The following WDR70 variants were observed in gnomAD, a reference collection of about 807,000 sequenced individuals.
WDR70 encodes WD repeat domain 70.
Under a neutral mutation model 88.6 loss-of-function variants are expected in WDR70, and 53 were observed. That is an observed-to-expected ratio of 0.60 (90% CI 0.48 to 0.75). The LOEUF (loss-of-function observed/expected upper bound fraction) is 0.75. WDR70 is among the 30% of genes least tolerant of loss of function. The probability of loss-of-function intolerance (pLI) is 0.00; values close to 1 mark genes in which losing one functional copy is unlikely to be tolerated. For missense variants in WDR70, 610 were observed against 823.2 expected (o/e 0.74, Z 3.17); for synonymous variants, 280 against 270.0 (o/e 1.04, Z -0.36).
intron 10 of WDR70, among the ~76,000 whole-genome samples, chr5:37,622,301 A>C (rs891304759): frequency 5.3e-5 from 8 of 151,950 alleles, no homozygotes; most frequent in African/African-American, 1.9e-4. Context: ...GTGGGACTGT[A>C]AACTAGTTCA....
chr5:37,548,366 T>A lies in WDR70; in HGVS notation c.917+31776T>A, dbSNP rs937733388. 2.6e-5 allele frequency among the ~76,000 whole-genome samples: 4 copies of A among 152,198 alleles called. No individual in the cohort carries two copies. The South Asian group carries it at 6.2e-4, about 24-fold the overall frequency. On this transcript the variant is annotated intron_variant, in intron 9 of 17. Coordinates refer to ENST00000265107, the MANE Select transcript of WDR70 (RefSeq NM_018034.4). ...GGGGTGAGATGATATCTCTTGTTTT[T>A]ATTTTCATTTGTCTGGTGATCAGTG...
rs6878467 is a variant in WDR70 at position 37,409,394 on chromosome 5, T to G, written c.492+12824T>G. On this transcript the variant is annotated intron_variant, in intron 5 of 17. Coordinates refer to ENST00000265107, the MANE Select transcript of WDR70 (RefSeq NM_018034.4). Reference sequence around the variant, plus strand: ...GATTTTTGTCAAGCTTGACTGTGTATCTGTCAGGTTTGTTTATACCGAGGA... The same window carrying G: ...GATTTTTGTCAAGCTTGACTGTGTAGCTGTCAGGTTTGTTTATACCGAGGA... 7.4e-3 allele frequency among the ~76,000 whole-genome samples: 1,121 copies of G among 152,302 alleles called. 17 individuals carry two copies. Among genetic ancestry groups the G allele is most frequent in the African/African-American group, 0.025 (1,055 of 41,564 alleles).
chr5:37,592,645 A>G lies in WDR70; in HGVS notation c.918-12419A>G, dbSNP rs568418861. On this transcript the variant is annotated intron_variant, in intron 9 of 17. Transcript: ENST00000265107. The stretch of plus-strand genomic sequence containing the variant: ...AATTATGGAGCACTTTGGATTTTGG[A>G]TATTTGGATTAGGGATGTTCAATCT... Among the ~76,000 whole-genome samples, 62 of 152,284 alleles carry G rather than the reference A, an allele frequency of 4.1e-4. 1 individual carries two copies. The highest frequency in any genetic ancestry group is 1.5e-3 in the African/African-American group (62 of 41,574).
chr5:37,592,594 G>A (rs1743564472), intron 9 of WDR70, among the ~76,000 whole-genome samples: 3 of 152,144 alleles, frequency 2.0e-5, no homozygotes. Context: ...TTTTGATTGC[G>A]ACCCATCACA....
intron 16 of WDR70, among the ~76,000 whole-genome samples, chr5:37,725,538 G>T (rs1371193786): frequency 2.0e-5 from 3 of 152,050 alleles, no homozygotes; most frequent in African/African-American, 7.2e-5. Context: ...GGTACCAGAA[G>T]AAAGCCAAGC....
At chr5:37,570,838 TTCCTTCCAGATGTTTCTCAAATAG>T (rs1742879716) in intron 9 of WDR70, among the ~76,000 whole-genome samples, 1 of 152,186 alleles carries the variant, frequency 6.6e-6, no homozygotes, top group Non-Finnish European at 1.5e-5. Flanking sequence ...ACACCCAGTC[TTCCTTCCAGATGTTTCTCAAATAG>T]TCCCTCCTCT....
rs1384336784 is a variant in WDR70, at chr5:37,649,733, C to CTTCTTT, written c.1092+44497_1092+44498insCTTTTT. ...ATATACATTCACGATGTTATTACTT[C>CTTCTTT]TTTTTTTTTTTTTTTTTTTTTTGAG... is the stretch of plus-strand genomic sequence containing the variant. On this transcript the variant is annotated intron_variant, in intron 10 of 17. Coordinates refer to ENST00000265107, the MANE Select transcript of WDR70 (RefSeq NM_018034.4). 6.1e-4 allele frequency among the ~76,000 whole-genome samples: 42 copies of CTTCTTT among 68,746 alleles called. 1 individual carries two copies. Among genetic ancestry groups the CTTCTTT allele is most frequent in the Admixed American group, 6.8e-4 (3 of 4,438 alleles). 45.1% of individuals were successfully genotyped at this position (68,746 alleles called of 152,430 possible).
intron 10 of WDR70, among the ~76,000 whole-genome samples, chr5:37,654,932 A>G (rs1442164359): frequency 1.3e-5 from 2 of 152,142 alleles, no homozygotes; most frequent in African/African-American, 4.8e-5. Flanking sequence ...TAATTGGGGC[A>G]TTAGCCTGTT....
chr5:37,549,857 A>AT (rs1005327371), intron 9 of WDR70, among the ~76,000 whole-genome samples: 6 of 146,910 alleles, frequency 4.1e-5, no homozygotes, highest in African/African-American at 1.2e-4. Context: ...GGGATGTTGA[A>AT]TTTTTTTTTG....
At chr5:37,624,806 AG>A (rs1223894144) in intron 10 of WDR70, among the ~76,000 whole-genome samples, 1 of 152,166 alleles carries the variant, frequency 6.6e-6, no homozygotes, top group African/African-American at 2.4e-5. Context: ...GGGGAAACTC[AG>A]GAGGGTCATC....
intron 10 of WDR70, among the ~76,000 whole-genome samples, chr5:37,660,266 G>T (rs578205844): frequency 1.3e-5 from 2 of 152,168 alleles, no homozygotes; most frequent in East Asian, 3.9e-4. Flanking sequence ...TTTATACTTA[G>T]CAAGAATATG....
intron 9 of WDR70, among the ~76,000 whole-genome samples, chr5:37,562,548 A>G (rs1036253142): frequency 2.6e-5 from 4 of 152,108 alleles, no homozygotes; most frequent in African/African-American, 9.7e-5. Flanking sequence ...AGATAAGTGA[A>G]CAAAGGTCTC....
chr5:37,496,777 G>A (rs1254161356), intron 8 of WDR70, among the ~76,000 whole-genome samples: 1 of 152,210 alleles, frequency 6.6e-6, no homozygotes, highest in Non-Finnish European at 1.5e-5. Context: ...GAATTGAGTA[G>A]CAGCCATCTG....
chr5:37,463,922 GACAA>G (rs1302494856), intron 7 of WDR70, among the ~76,000 whole-genome samples: 1 of 152,168 alleles, frequency 6.6e-6, no homozygotes, highest in Non-Finnish European at 1.5e-5. Context: ...GAGAGTACAT[GACAA>G]ACAGTGAGAC....
chr5:37,680,901 G>A (rs899561913), intron 10 of WDR70, among the ~76,000 whole-genome samples: 3 of 152,110 alleles, frequency 2.0e-5, no homozygotes, highest in Admixed American at 2.0e-4. Flanking sequence ...GGTTCCATAT[G>A]AGTAGTTTTA....
In WDR70 at chr5:37,701,121, G is replaced by A; in HGVS notation, c.1256G>A (p.Gly419Asp). ...QFNKPLFSAS[G>D]LPTMFPMTDC... is the part of the protein sequence containing the mutation. ...AATAAACCACTTTTTTCAGCCTCGG[G>A]TCTTCCCACCATGTTCCCAATGTAA... is the stretch of plus-strand genomic sequence containing the variant. Residue 419 changes from glycine (G) to aspartate (D), a missense_variant, in exon 12 of 18, where the codon GGT (glycine) becomes GAT (aspartate). Around this residue, in one of 4 missense-constraint regions of WDR70, gnomAD observed 254 missense variants for 300.7 expected, o/e 0.84. Coordinates refer to ENST00000265107, the MANE Select transcript of WDR70 (RefSeq NM_018034.4). The A allele has an allele frequency of 6.2e-7, 1 of 1,609,234 alleles. No individual in the cohort carries two copies. The highest frequency in any genetic ancestry group is 8.5e-7 in the Non-Finnish European group (1 of 1,176,028).
intron 7 of WDR70, among the ~76,000 whole-genome samples, chr5:37,452,438 G>A (rs565605681): frequency 2.0e-5 from 3 of 152,012 alleles, no homozygotes; most frequent in African/African-American, 7.2e-5. Context: ...GCTAATTTTT[G>A]TATTTTTAGT....
At chr5:37,717,854 A>G (rs776721099) in intron 13 of WDR70, among the ~76,000 whole-genome samples, 2 of 152,218 alleles carry the variant, frequency 1.3e-5, no homozygotes, top group Non-Finnish European at 2.9e-5. Context: ...ACACACAATA[A>G]ATATTAATAA....
At chr5:37,475,846 T>TA (rs1739465105) in intron 7 of WDR70, among the ~76,000 whole-genome samples, 1 of 147,670 alleles carries the variant, frequency 6.8e-6, no homozygotes, top group Middle Eastern at 3.4e-3. Context: ...ATTACATATT[T>TA]TTTTTTTTTT....
Sources: gnomAD v4.1 joint callset for allele counts (sites outside exome capture counted in the v4.1 genomes callset) on GRCh38, gnomAD v4.1.1 for gene constraint, gnomAD v4.1.1 regional missense constraint, MANE v1.5 for transcripts, NCBI Gene and HGNC (gene_info 2026-07-23, HGNC 2026-07-21) for gene names.